MBNL3: variants seen among roughly 807,000 people sequenced by gnomAD.
The protein encoded by MBNL3 is muscleblind-like protein 3.
In MBNL3, 6 loss-of-function variants were observed where a neutral mutation model predicts 24.5. That is an observed-to-expected ratio of 0.25 (90% CI 0.13 to 0.48). MBNL3 has a LOEUF of 0.48. Ranked by LOEUF, MBNL3 falls within the 20% of genes least tolerant of loss-of-function variation. The pLI is 0.99. For synonymous variants in MBNL3, 100 were observed against 101.7 expected (o/e 0.98, Z 0.10); for missense variants, 230 against 293.5 (o/e 0.78, Z 1.58).
At chrX:132,390,520 C>G (rs1402041310) in intron 5 of MBNL3, among the ~76,000 whole-genome samples, 1 of 110,822 alleles carries the variant, frequency 9.0e-6, no homozygotes, top group East Asian at 2.9e-4. Flanking sequence ...CTTTCTGCCT[C>G]TCTAGGATAT....
intron 8 of MBNL3, chrX:132,381,518 A>G: frequency 5.4e-6 from 3 of 557,534 alleles, no homozygotes; most frequent in Non-Finnish European, 8.4e-6. Context: ...CTTTTAGTCT[A>G]TAAGCATGGT....
At chrX:132,410,754 A>G (rs1942608021) in intron 2 of MBNL3, among the ~76,000 whole-genome samples, 1 of 112,418 alleles carries the variant, frequency 8.9e-6, no homozygotes, top group Non-Finnish European at 1.9e-5. Context: ...AGTAACAGTG[A>G]TTTCAGAATT....
intron 1 of MBNL3, among the ~76,000 whole-genome samples, chrX:132,466,334 C>G (rs979868308): frequency 8.9e-6 from 1 of 111,899 alleles, no homozygotes; most frequent in Admixed American, 9.5e-5. Context: ...TCTTCATTTC[C>G]ACTTTTTACA....
At chrX:132,436,129 G>A (rs1052591076) in intron 2 of MBNL3, among the ~76,000 whole-genome samples, 2 of 111,929 alleles carry the variant, frequency 1.8e-5, no homozygotes, top group Non-Finnish European at 3.8e-5. Flanking sequence ...TGGATTAAGC[G>A]ATACTTTGAA....
intron 2 of MBNL3, among the ~76,000 whole-genome samples, chrX:132,422,241 C>T (rs1943895169): frequency 9.0e-6 from 1 of 110,581 alleles, no homozygotes. Context: ...ACCTACAATA[C>T]GCCTTTCAGG....
intron 2 of MBNL3, chrX:132,413,502 C>T: frequency 8.6e-7 from 1 of 1,166,070 alleles, no homozygotes; most frequent in Non-Finnish European, 1.1e-6. Context: ...CTTAGAAGCC[C>T]TCTCCATGGA....
rs1933528721 is a variant in MBNL3 at position 132,370,571 on chromosome X, C to T, written c.*9095G>A. 8.9e-6 allele frequency: 1 copy of T among 111,733 alleles called. No homozygotes were observed. The highest frequency in any genetic ancestry group is 1.9e-5 in the Non-Finnish European group (1 of 53,136). The allele number at this position is 111,733 out of a possible 1,213,427, so 9.2% of individuals were successfully genotyped here. ...TGCATGTAGGTGTCTGATATTTGCCCATTGGAAAGTCATGCCTTTTTAAAT... is the reference window on the plus strand; with the variant it reads ...TGCATGTAGGTGTCTGATATTTGCCTATTGGAAAGTCATGCCTTTTTAAAT... On this transcript the variant is annotated 3_prime_UTR_variant, in exon 9 of 9. Coordinates refer to ENST00000370853, the MANE Select transcript of MBNL3 (RefSeq NM_001386889.1).
chrX:132,443,925 T>C (rs1176511978), intron 1 of MBNL3, among the ~76,000 whole-genome samples: 1 of 92,015 alleles, frequency 1.1e-5, no homozygotes, highest in Non-Finnish European at 2.1e-5. Flanking sequence ...CTTGCACAAC[T>C]TCATGAAGCT....
At position 132,370,767 on chromosome X, in the gene MBNL3, G is replaced by C. The variant is rs1933545420; in HGVS notation, c.*8899C>G. On this transcript the variant is annotated 3_prime_UTR_variant, in exon 9 of 9. Coordinates refer to ENST00000370853, the MANE Select transcript of MBNL3 (RefSeq NM_001386889.1). ...CTATCAGAGGAAACAGGCCTGATAA[G>C]TTGCTATCATGAGGATTTTCCAGGG... 1 of 111,846 alleles carries C rather than the reference G, an allele frequency of 8.9e-6. No homozygotes were observed. The highest frequency in any genetic ancestry group is 1.9e-5 in the Non-Finnish European group (1 of 53,203). The allele number at this position is 111,846 out of a possible 1,213,427, so 9.2% of individuals were successfully genotyped here.
intron 2 of MBNL3, among the ~76,000 whole-genome samples, chrX:132,407,597 A>C (rs896598399): frequency 8.9e-6 from 1 of 112,342 alleles, no homozygotes; most frequent in African/African-American, 3.2e-5. Flanking sequence ...TAAATTCTTA[A>C]AAGTAGCCTA....
chrX:132,480,723 G>A (rs1023394951), intron 1 of MBNL3, among the ~76,000 whole-genome samples: 49 of 111,717 alleles, frequency 4.4e-4, no homozygotes, highest in Admixed American at 4.0e-3. Context: ...CAGCCTGGTC[G>A]CTTCCTGGCA....
chrX:132,444,683 G>C (rs1164772471), intron 1 of MBNL3, among the ~76,000 whole-genome samples: 4 of 111,063 alleles, frequency 3.6e-5, no homozygotes, highest in African/African-American at 1.3e-4. Flanking sequence ...ACTTTGAATT[G>C]ATGCTCATCT....
intron 1 of MBNL3, among the ~76,000 whole-genome samples, chrX:132,449,989 C>T (rs1022666583): frequency 7.9e-5 from 6 of 75,938 alleles, no homozygotes; most frequent in Admixed American, 1.4e-4. Flanking sequence ...CCCCCCCCCC[C>T]CCCCGCCACT....
chrX:132,392,375 A>G (rs754412216), intron 3 of MBNL3, 41 bp from the exon 4 acceptor site: 10 of 1,028,637 alleles, frequency 9.7e-6, no homozygotes, highest in Non-Finnish European at 1.3e-5. Flanking sequence ...AGAGGTAAAG[A>G]TTCTTCCTGT....
chrX:132,428,637 C>A (rs1204625200), intron 2 of MBNL3, among the ~76,000 whole-genome samples: 1 of 111,307 alleles, frequency 9.0e-6, no homozygotes, highest in East Asian at 2.8e-4. Flanking sequence ...GAATATATAA[C>A]CCCATAAGTC....
chrX:132,399,804 TAAAA>T (rs199556571), intron 3 of MBNL3, among the ~76,000 whole-genome samples: 3 of 91,525 alleles, frequency 3.3e-5, no homozygotes, highest in Non-Finnish European at 2.2e-5. Context: ...AACCTGCAGG[TAAAA>T]AAAAAAAAAA....
chrX:132,440,513 G>C (rs1470769541), intron 1 of MBNL3, among the ~76,000 whole-genome samples, 199 bp from the exon 2 acceptor site: 2 of 111,619 alleles, frequency 1.8e-5, no homozygotes, highest in African/African-American at 6.5e-5. Flanking sequence ...GCAAGCAACT[G>C]CTTAGATTTA....
chrX:132,396,381 CAT>C (rs1167509335), intron 3 of MBNL3, among the ~76,000 whole-genome samples: 6 of 76,042 alleles, frequency 7.9e-5, no homozygotes, highest in Non-Finnish European at 1.3e-4. Flanking sequence ...CATATATATT[CAT>C]ATATATATTC....
Position 132,371,856 on chromosome X carries a change from A to G in MBNL3, c.*7810T>C, listed in dbSNP as rs1359650655. ...GTATATTTGGAAATAAATTTACTCTATGTATGAAATATAACATTGAGCCAA... is the reference window on the plus strand; with the variant it reads ...GTATATTTGGAAATAAATTTACTCTGTGTATGAAATATAACATTGAGCCAA... On this transcript the variant is annotated 3_prime_UTR_variant, in exon 9 of 9. Transcript: ENST00000370853. 1 of 111,612 alleles carries G rather than the reference A, an allele frequency of 9.0e-6. No individual in the cohort carries two copies. Among genetic ancestry groups the G allele is most frequent in the African/African-American group, 3.2e-5 (1 of 30,797 alleles). 9.2% of individuals were successfully genotyped at this position (111,612 alleles called of 1,213,427 possible). A position where few individuals can be genotyped will look rare whatever the true frequency, so the allele number is the denominator to read the frequency against.
Sources: allele counts gnomAD v4.1 joint callset (sites outside exome capture counted in the v4.1 genomes callset), GRCh38; gene constraint gnomAD v4.1.1; transcripts MANE v1.5; gene names NCBI Gene and HGNC (gene_info 2026-07-23, HGNC 2026-07-21).